The following RALYL variants were observed in gnomAD, a reference collection of about 807,000 sequenced individuals.
The protein encoded by RALYL is RALY RNA binding protein like.
Under a neutral mutation model 35.1 loss-of-function variants are expected in RALYL, and 29 were observed. The observed-to-expected ratio is 0.83, with a 90% CI of 0.61 to 1.13. The LOEUF is 1.13. Among genes scored for constraint, RALYL ranks in the 50% most tolerant of loss-of-function variants. The pLI, the probability that RALYL is intolerant of heterozygous loss-of-function variation, is 0.00. For synonymous variants in RALYL, 120 were observed against 127.6 expected, an observed-to-expected ratio of 0.94 and a Z score of 0.40; for missense variants, 359 against 360.4, an observed-to-expected ratio of 1.00 and a Z score of 0.03.
chr8:84,239,010 C>A (rs926722322), intron 1 of RALYL, among the ~76,000 whole-genome samples: 4 of 152,138 alleles, frequency 2.6e-5, no homozygotes, highest in Non-Finnish European at 5.9e-5. Flanking sequence ...GTAAAGACAT[C>A]TTATACCATG....
rs77631663 is a variant in RALYL at position 84,188,789 on chromosome 8, A to T, written c.-24+4365A>T. Among the ~76,000 whole-genome samples, 32 of 152,148 alleles carry T rather than the reference A, an allele frequency of 2.1e-4. No individual in the cohort carries two copies. In the East Asian group the frequency reaches 6.0e-3, roughly 28 times the overall value. ...AACTTTAGTAGTTTTGCTTATCCTC[A>T]TTGCTTTTAGATTTTCAATAATACA... On this transcript the variant is annotated intron_variant, in intron 1 of 8. Transcript: ENST00000521268.
chr8:84,263,867 T>C (rs1832769870), intron 1 of RALYL, among the ~76,000 whole-genome samples: 1 of 152,206 alleles, frequency 6.6e-6, no homozygotes, highest in African/African-American at 2.4e-5. Flanking sequence ...ATGTGGTGTT[T>C]GGTTTTCTAT....
chr8:84,389,565 T>G (rs1586790843), intron 1 of RALYL, among the ~76,000 whole-genome samples: 1 of 150,934 alleles, frequency 6.6e-6, no homozygotes, highest in African/African-American at 2.5e-5. Context: ...TCACATCCCT[T>G]GTAAGTTGGA....
chr8:84,724,846 A>G (rs915129646), intron 2 of RALYL, among the ~76,000 whole-genome samples: 12 of 151,776 alleles, frequency 7.9e-5, no homozygotes, highest in Non-Finnish European at 1.8e-4. Context: ...AATACTAAGT[A>G]TATATACTCT....
chr8:84,293,388 A>T (rs1048706587), intron 1 of RALYL, among the ~76,000 whole-genome samples: 2 of 152,108 alleles, frequency 1.3e-5, no homozygotes, highest in African/African-American at 4.8e-5. Context: ...AATAAGTAAA[A>T]TTCATGTTGG....
intron 1 of RALYL, among the ~76,000 whole-genome samples, chr8:84,218,866 G>C (rs568078905): frequency 6.6e-6 from 1 of 152,194 alleles, no homozygotes; most frequent in African/African-American, 2.4e-5. Context: ...ACAAATGGAT[G>C]GATAATACAC....
intron 1 of RALYL, among the ~76,000 whole-genome samples, chr8:84,462,145 A>T (rs2133404768): frequency 6.7e-6 from 1 of 149,918 alleles, no homozygotes; most frequent in South Asian, 2.1e-4. Context: ...TTTTTATTTT[A>T]GCCATTCTAA....
intron 1 of RALYL, among the ~76,000 whole-genome samples, chr8:84,495,857 C>T (rs28546364): frequency 0.039 from 5,989 of 152,032 alleles, 237 homozygotes; most frequent in African/African-American, 0.098. Context: ...ACTGGGCTAC[C>T]GGTTACAAGT....
chr8:84,737,418 C>A (rs1847515407), intron 2 of RALYL, among the ~76,000 whole-genome samples: 1 of 152,032 alleles, frequency 6.6e-6, no homozygotes, highest in African/African-American at 2.4e-5. Flanking sequence ...TAGATTACCT[C>A]TTTTCTTTCT....
intron 2 of RALYL, among the ~76,000 whole-genome samples, chr8:84,582,092 CAT>C (rs1810966380): frequency 6.6e-6 from 1 of 152,064 alleles, no homozygotes. Context: ...TATTTTCTTA[CAT>C]GTCTGATTCT....
At chr8:84,685,597 T>A (rs1836593604) in intron 2 of RALYL, among the ~76,000 whole-genome samples, 2 of 152,190 alleles carry the variant, frequency 1.3e-5, no homozygotes, top group African/African-American at 2.4e-5. Context: ...AATGGTAGTA[T>A]AGTCAGTTCT....
intron 1 of RALYL, among the ~76,000 whole-genome samples, chr8:84,463,473 A>C (rs1005400547): frequency 3.9e-5 from 6 of 151,976 alleles, no homozygotes; most frequent in African/African-American, 1.4e-4. Flanking sequence ...GTAGTGGGGG[A>C]CTAATTTTAA....
At chr8:84,841,434 T>A (rs1833303722) in intron 4 of RALYL, among the ~76,000 whole-genome samples, 1 of 152,162 alleles carries the variant, frequency 6.6e-6, no homozygotes, top group South Asian at 2.1e-4. Flanking sequence ...TAAATATATA[T>A]GCACCCAATA....
chr8:84,905,821 T>A (rs1489554588), intron 8 of RALYL, among the ~76,000 whole-genome samples: 2 of 152,022 alleles, frequency 1.3e-5, no homozygotes, highest in Non-Finnish European at 2.9e-5. Flanking sequence ...CTATTTTTTT[T>A]AATTATCCTC....
At chr8:84,605,878 T>G (rs1399383635) in intron 2 of RALYL, among the ~76,000 whole-genome samples, 1 of 152,090 alleles carries the variant, frequency 6.6e-6, no homozygotes, top group East Asian at 1.9e-4. Flanking sequence ...AGCATAAATA[T>G]TTCCATTGAA....
At chr8:84,335,920 C>T (rs925240743) in intron 1 of RALYL, among the ~76,000 whole-genome samples, 2 of 151,970 alleles carry the variant, frequency 1.3e-5, no homozygotes, top group Non-Finnish European at 2.9e-5. Flanking sequence ...TAAACATTTC[C>T]AGCTCCTGTC....
At chr8:84,541,589 A>G in intron 2 of RALYL, among the ~76,000 whole-genome samples, 1 of 152,024 alleles carries the variant, frequency 6.6e-6, no homozygotes, top group East Asian at 1.9e-4. Context: ...ACAGGCAAAA[A>G]TCGCTAACTG....
intron 1 of RALYL, among the ~76,000 whole-genome samples, chr8:84,263,382 C>T (rs192263491): frequency 1.7e-3 from 262 of 152,188 alleles, no homozygotes; most frequent in South Asian, 6.0e-3. Flanking sequence ...AGTGTTACAA[C>T]ATTAAAAAAT....
At chr8:84,843,462 A>C (rs1360282271) in intron 4 of RALYL, among the ~76,000 whole-genome samples, 3 of 152,184 alleles carry the variant, frequency 2.0e-5, no homozygotes, top group African/African-American at 7.2e-5. Flanking sequence ...TCAATGAAAT[A>C]AAAGAGGATA....
Sources: allele counts gnomAD v4.1 joint callset (sites outside exome capture counted in the v4.1 genomes callset), GRCh38; gene constraint gnomAD v4.1.1; transcripts MANE v1.5; gene names NCBI Gene and HGNC (gene_info 2026-07-23, HGNC 2026-07-21).